The following FIBCD1 variants were observed in gnomAD, a reference collection of about 807,000 sequenced individuals.
FIBCD1 encodes fibrinogen C domain containing 1, also known as fibrinogen C domain-containing protein 1.
FIBCD1 carries 47 observed loss-of-function variants against 45.1 expected under a neutral mutation model. The observed-to-expected ratio is 1.04, with a 90% confidence interval of 0.82 to 1.33. The LOEUF (loss-of-function observed/expected upper bound fraction) is 1.33, where lower values mean the gene tolerates loss of function less well. Ranked by LOEUF, FIBCD1 falls within the 40% of genes most tolerant of loss-of-function variation. The pLI is 0.00. For synonymous variants in FIBCD1, 313 were observed against 308.1 expected (o/e 1.02, Z -0.17); for missense variants, 653 against 682.2 (o/e 0.96, Z 0.48).
chr9:130,926,126 C>T lies in FIBCD1; in HGVS notation c.553-1730G>A, dbSNP rs150514605. ...AGGGACACAGGCAGCACACCCCAAC[C>T]GGGGCAGGAGGGAAGACGGTAGGTG... is the stretch of plus-strand genomic sequence containing the variant. On this transcript the variant is annotated intron_variant, in intron 2 of 6. Coordinates refer to ENST00000372338, the MANE Select transcript of FIBCD1 (RefSeq NM_032843.5). This position sits in a 1 kb window ranked among gnomAD's most constrained non-coding sequence, Gnocchi z 4.1. Among the ~76,000 whole-genome samples the T allele has an allele frequency of 2.9e-4, 44 of 152,280 alleles. No homozygotes were observed. Among genetic ancestry groups the T allele is most frequent in the African/African-American group, 8.7e-4 (36 of 41,562 alleles).
In FIBCD1 at chr9:130,935,023, ACT is replaced by A. The variant is rs1481209109; in HGVS notation, c.72+3511_72+3512del. On this transcript the variant is annotated intron_variant, in intron 1 of 6. Coordinates refer to ENST00000372338, the MANE Select transcript of FIBCD1 (RefSeq NM_032843.5). Reference sequence around the variant, plus strand: ...CCTGTGAGTTTGTTCCCCCCGTGAGACTCTAAGCTCCCTGAGGCACAGACTGT... The same window carrying A: ...CCTGTGAGTTTGTTCCCCCCGTGAGACTAAGCTCCCTGAGGCACAGACTGT... 2.0e-5 allele frequency among the ~76,000 whole-genome samples: 3 copies of A among 152,030 alleles called. No homozygotes were observed. The East Asian group carries it at 5.8e-4, about 29-fold the overall frequency.
At chr9:130,917,801 G>A (rs1832192881) in intron 4 of FIBCD1, among the ~76,000 whole-genome samples, 1 of 152,218 alleles carries the variant, frequency 6.6e-6, no homozygotes. Flanking sequence ...CAGATGAGAA[G>A]ACTGAGGCTT....
chr9:130,903,549 TG>T lies in FIBCD1; in HGVS notation c.*514del, dbSNP rs1041968274. The T allele has an allele frequency of 1.7e-4, 34 of 198,764 alleles. No individual in the cohort carries two copies. The highest frequency in any genetic ancestry group is 1.5e-3 in the South Asian group (14 of 9,354). The allele number at this position is 198,764 out of a possible 1,614,324, so 12.3% of individuals were successfully genotyped here. ...GCCCTTGGGGGAGAGGTGGGTTCTC[TG>T]GGCACCAGGGAAACGGGGTGGGGGT... On this transcript the variant is annotated 3_prime_UTR_variant, in exon 7 of 7. Coordinates refer to ENST00000372338, the MANE Select transcript of FIBCD1 (RefSeq NM_032843.5).
chr9:130,940,360 G>A (rs1564343806), upstream of FIBCD1, among the ~76,000 whole-genome samples: 1 of 152,260 alleles, frequency 6.6e-6, no homozygotes, highest in Admixed American at 6.5e-5. Context: ...CCTCACCTAC[G>A]GCCCGATCCC....
intron 4 of FIBCD1, among the ~76,000 whole-genome samples, chr9:130,917,545 G>C (rs566780510): frequency 1.4e-3 from 216 of 152,338 alleles, no homozygotes; most frequent in African/African-American, 5.0e-3. Context: ...GGGACCGAGG[G>C]AGGCGGAGAT....
At chr9:130,929,377 G>A (rs540996607) in intron 2 of FIBCD1, among the ~76,000 whole-genome samples, 190 bp downstream of exon 2, 1 of 152,290 alleles carries the variant, frequency 6.6e-6, no homozygotes, top group African/African-American at 2.4e-5. Context: ...CAGTAGCTGT[G>A]CGGCCCTGGA....
Position 130,929,214 on chromosome 9 carries a change from G to A in FIBCD1, c.552+353C>T, listed in dbSNP as rs547396851. The stretch of plus-strand genomic sequence containing the variant: ...AAGTCGCATCCCCTCTCTGAGCCTC[G>A]ATTTGCTCCTGATGGGGGAATGCCC... On this transcript the variant is annotated intron_variant, in intron 2 of 6. Coordinates refer to ENST00000372338, the MANE Select transcript of FIBCD1 (RefSeq NM_032843.5). Among the ~76,000 whole-genome samples, 6 of 152,234 alleles carry A rather than the reference G, an allele frequency of 3.9e-5. No individual in the cohort carries two copies. In the South Asian group the frequency reaches 6.2e-4, roughly 16 times the overall value.
At position 130,926,335 on chromosome 9, in the gene FIBCD1, A is replaced by G. The variant is rs762009254; in HGVS notation, c.553-1939T>C. ...AGCAGATGATTAAAGTTGAAAATGT[A>G]CATATAAACATGCCCCGAATTAATG... is the stretch of plus-strand genomic sequence containing the variant. On this transcript the variant is annotated intron_variant, in intron 2 of 6. Coordinates refer to ENST00000372338, the MANE Select transcript of FIBCD1 (RefSeq NM_032843.5). This position sits in a 1 kb window ranked among gnomAD's most constrained non-coding sequence, Gnocchi z 4.1. Among the ~76,000 whole-genome samples the G allele has an allele frequency of 1.4e-4, 21 of 152,240 alleles. No homozygotes were observed. Among genetic ancestry groups the G allele is most frequent in the Admixed American group, 8.5e-4 (13 of 15,284 alleles).
intron 1 of FIBCD1, among the ~76,000 whole-genome samples, chr9:130,931,935 C>G (rs542154630): frequency 6.6e-6 from 1 of 152,268 alleles, no homozygotes; most frequent in East Asian, 1.9e-4. Flanking sequence ...GTGCCTGGCA[C>G]GTTGTGCTGG....
chr9:130,920,614 C>T (rs909175569), intron 4 of FIBCD1, among the ~76,000 whole-genome samples: 7 of 152,188 alleles, frequency 4.6e-5, no homozygotes, highest in East Asian at 1.9e-4. Context: ...ACTCCTGACA[C>T]GGAAGGGCAG....
chr9:130,939,748 G>C (rs1200031149), upstream of FIBCD1, among the ~76,000 whole-genome samples: 2 of 151,950 alleles, frequency 1.3e-5, no homozygotes, highest in African/African-American at 4.8e-5. Context: ...GTGCCAGGAG[G>C]GGGCTTCTTA....
At chr9:130,916,085 T>C (rs925183134) in intron 4 of FIBCD1, among the ~76,000 whole-genome samples, 3 of 152,134 alleles carry the variant, frequency 2.0e-5, no homozygotes, top group African/African-American at 2.4e-5. Context: ...CCTGCCACCA[T>C]GCCCGGCTAA....
At chr9:130,911,188 G>C (rs757335154) in intron 5 of FIBCD1, among the ~76,000 whole-genome samples, 15 of 152,176 alleles carry the variant, frequency 9.9e-5, no homozygotes, top group Non-Finnish European at 1.9e-4. Context: ...TTTCACTCCT[G>C]AGCCAGCTAG....
intron 4 of FIBCD1, among the ~76,000 whole-genome samples, chr9:130,913,755 C>T (rs1164547790): frequency 3.3e-5 from 5 of 152,192 alleles, no homozygotes; most frequent in Admixed American, 3.3e-4. Context: ...AGCTCAGGCA[C>T]TCCCCTGAGA....
intron 4 of FIBCD1, among the ~76,000 whole-genome samples, chr9:130,912,392 CAAAAAAAAAA>C (rs61490832): frequency 0.013 from 999 of 75,738 alleles, 14 homozygotes; most frequent in African/African-American, 0.054. Context: ...GGCTCTCTCT[CAAAAAAAAAA>C]AAAAAAAAAA....
At position 130,926,472 on chromosome 9, in the gene FIBCD1, A is replaced by G. The variant is rs1318174130; in HGVS notation, c.553-2076T>C. Among the ~76,000 whole-genome samples, 1 of 152,194 alleles carries G rather than the reference A, an allele frequency of 6.6e-6. No individual in the cohort carries two copies. The highest frequency in any genetic ancestry group is 1.5e-5 in the Non-Finnish European group (1 of 68,030). ...GTCCCCGGCACTGCTTAGCTGTGTG[A>G]GTGAGCTTGCACACGCACCTGTCAC... On this transcript the variant is annotated intron_variant, in intron 2 of 6. Coordinates refer to ENST00000372338, the MANE Select transcript of FIBCD1 (RefSeq NM_032843.5). The surrounding 1 kb of genome is among the most constrained non-coding windows in gnomAD (Gnocchi z 4.1).
intron 4 of FIBCD1, among the ~76,000 whole-genome samples, chr9:130,917,004 AG>A (rs1832172355): frequency 6.6e-6 from 1 of 152,218 alleles, no homozygotes; most frequent in Non-Finnish European, 1.5e-5. Flanking sequence ...AGGCTGAGGC[AG>A]GAGAATCACT....
chr9:130,930,533 C>G (rs1411028269), intron 1 of FIBCD1, among the ~76,000 whole-genome samples: 2 of 152,102 alleles, frequency 1.3e-5, no homozygotes, highest in African/African-American at 2.4e-5. Flanking sequence ...GACACAAAGA[C>G]ACAAGCAGAA....
rs1588111685 is a variant in FIBCD1 at position 130,926,775 on chromosome 9, T to C, written c.553-2379A>G. ...AGGCGGAGGTTGCAGTGAGCCGAGATTGAACCACTGCACTCCAGCTGGGTG... is the reference window on the plus strand; with the variant it reads ...AGGCGGAGGTTGCAGTGAGCCGAGACTGAACCACTGCACTCCAGCTGGGTG... On this transcript the variant is annotated intron_variant, in intron 2 of 6. Coordinates refer to ENST00000372338, the MANE Select transcript of FIBCD1 (RefSeq NM_032843.5). This position sits in a 1 kb window ranked among gnomAD's most constrained non-coding sequence, Gnocchi z 4.1. Among the ~76,000 whole-genome samples, 1 of 152,064 alleles carries C rather than the reference T, an allele frequency of 6.6e-6. No homozygotes were observed. Among genetic ancestry groups the C allele is most frequent in the Non-Finnish European group, 1.5e-5 (1 of 68,024 alleles).
Sources: gnomAD v4.1 joint callset for allele counts (sites outside exome capture counted in the v4.1 genomes callset) on GRCh38, gnomAD v4.1.1 for gene constraint, Gnocchi (gnomAD v3.1) non-coding constraint, MANE v1.5 for transcripts, NCBI Gene and HGNC (gene_info 2026-07-23, HGNC 2026-07-21) for gene names.